The following PIGF variants were observed in gnomAD, a reference collection of about 807,000 sequenced individuals.
PIGF encodes the protein GPI ethanolamine phosphate transferase, stabilizing subunit.
A neutral mutation model predicts 26.0 loss-of-function variants in PIGF; 23 were observed. The ratio of observed to expected loss-of-function variants is 0.88; its 90% confidence interval spans 0.64 to 1.25. The LOEUF is 1.25. Ranked by LOEUF, PIGF falls within the 50% of genes most tolerant of loss-of-function variation. The pLI is 0.00. For missense variants in PIGF, 278 were observed against 249.9 expected (o/e 1.11, Z -0.76); for synonymous variants, 93 against 92.6 (o/e 1.00, Z -0.03).
chr2:46,586,331 A>C (rs150289421), intron 5 of PIGF, among the ~76,000 whole-genome samples: 5 of 152,344 alleles, frequency 3.3e-5, no homozygotes, highest in African/African-American at 1.2e-4. Context: ...CATTCATTCG[A>C]AACTATTTGT....
intron 3 of PIGF, 109 bp downstream of exon 3, chr2:46,613,585 T>C (rs1283978109): frequency 1.4e-6 from 1 of 703,912 alleles, no homozygotes; most frequent in East Asian, 2.9e-5. Flanking sequence ...CCTTACTTGA[T>C]CTATTAATGA....
At chr2:46,585,202 T>C (rs933368507) in intron 5 of PIGF, among the ~76,000 whole-genome samples, 3 of 152,180 alleles carry the variant, frequency 2.0e-5, no homozygotes, top group African/African-American at 7.2e-5. Flanking sequence ...ATAGGAAACT[T>C]AGAACAAAGA....
rs571281202 is a variant in PIGF at position 46,581,774 on chromosome 2, C to T, written c.547-183G>A. 2.9e-5 allele frequency: 23 copies of T among 790,648 alleles called. No homozygotes were observed. In the African/African-American group the frequency reaches 3.7e-4, roughly 13 times the overall value. The allele number at this position is 790,648 out of a possible 1,614,324, so 49.0% of individuals were successfully genotyped here. A position where few individuals can be genotyped will look rare whatever the true frequency, so the allele number is the denominator to read the frequency against. ...AAATGTACACATTTTAGTTAATGTG[C>T]ATTAAACTGTAACAAGGCTTCTGGC... On this transcript the variant is annotated intron_variant, in intron 5 of 5. Transcript: ENST00000281382.
intron 4 of PIGF, among the ~76,000 whole-genome samples, chr2:46,603,780 C>T (rs1231879740): frequency 6.6e-6 from 1 of 151,962 alleles, no homozygotes; most frequent in Non-Finnish European, 1.5e-5. Context: ...GGGAAACTTT[C>T]CAGGACACTG....
intron 4 of PIGF, among the ~76,000 whole-genome samples, chr2:46,611,210 C>T (rs759670757): frequency 5.3e-5 from 8 of 152,066 alleles, no homozygotes; most frequent in South Asian, 4.1e-4. Context: ...CTAATAAGGC[C>T]GGGTGTGGTG....
intron 4 of PIGF, among the ~76,000 whole-genome samples, chr2:46,610,176 C>G (rs1670366436): frequency 6.6e-6 from 1 of 152,190 alleles, no homozygotes; most frequent in Non-Finnish European, 1.5e-5. Flanking sequence ...CCCCATCTTT[C>G]CCATAAGCTC....
chr2:46,610,755 C>T (rs969312480), intron 4 of PIGF, among the ~76,000 whole-genome samples: 5 of 152,046 alleles, frequency 3.3e-5, no homozygotes, highest in Admixed American at 1.3e-4. Context: ...GTCTTGAACT[C>T]CTGACCTCAG....
intron 4 of PIGF, among the ~76,000 whole-genome samples, chr2:46,608,974 C>T (rs1269097704): frequency 6.6e-6 from 1 of 152,344 alleles, no homozygotes; most frequent in South Asian, 2.1e-4. Context: ...TCTGGCTGCA[C>T]TGGCCCCTAA....
intron 4 of PIGF, among the ~76,000 whole-genome samples, chr2:46,604,549 G>C (rs1253866562): frequency 6.6e-6 from 1 of 151,914 alleles, no homozygotes; most frequent in Non-Finnish European, 1.5e-5. Flanking sequence ...ATGAGTTCCT[G>C]CCATTTGCAA....
intron 4 of PIGF, among the ~76,000 whole-genome samples, chr2:46,607,769 G>A (rs1333785385): frequency 5.3e-5 from 8 of 151,420 alleles, no homozygotes; most frequent in Non-Finnish European, 8.8e-5. Context: ...ATCTCGGCTC[G>A]CTGCAACCTC....
chr2:46,596,261 T>C (rs1343659018), intron 4 of PIGF, among the ~76,000 whole-genome samples: 2 of 147,640 alleles, frequency 1.4e-5, no homozygotes, highest in Non-Finnish European at 3.1e-5. Flanking sequence ...AACCTCTAAG[T>C]TCTAAGTTCC....
rs183395515 is a variant in PIGF, at chr2:46,605,121, G to T, written c.437+7107C>A. Among the ~76,000 whole-genome samples, 878 of 152,038 alleles carry T rather than the reference G, an allele frequency of 5.8e-3. 5 individuals are homozygous for T. Among genetic ancestry groups the T allele is most frequent in the Non-Finnish European group, 0.01 (702 of 67,898 alleles). On this transcript the variant is annotated intron_variant, in intron 4 of 5. Coordinates refer to ENST00000281382, the MANE Select transcript of PIGF (RefSeq NM_002643.4). ...TTTATATTATCACTGCAAAACCATA[G>T]ATCTTTGAGTTTTTAAATATTTTTG...
chr2:46,603,712 T>C (rs1003845569), intron 4 of PIGF, among the ~76,000 whole-genome samples: 2 of 152,004 alleles, frequency 1.3e-5, no homozygotes, highest in Non-Finnish European at 2.9e-5. Context: ...CAAACCAAGA[T>C]GGATTAAAGA....
intron 4 of PIGF, among the ~76,000 whole-genome samples, chr2:46,609,222 T>C (rs1212614924): frequency 6.6e-6 from 1 of 152,272 alleles, no homozygotes; most frequent in Non-Finnish European, 1.5e-5. Flanking sequence ...GCCTCTTTCC[T>C]TAAGCCTCAT....
intron 5 of PIGF, chr2:46,582,752 C>T (rs1669441797): frequency 6.6e-6 from 1 of 152,532 alleles, no homozygotes; most frequent in South Asian, 2.1e-4. Context: ...CTTAAATGCT[C>T]ATATCAGTCA....
At chr2:46,600,776 TTA>T (rs770012614) in intron 4 of PIGF, among the ~76,000 whole-genome samples, 1 of 151,252 alleles carries the variant, frequency 6.6e-6, no homozygotes, top group Non-Finnish European at 1.5e-5. Context: ...TTTATGTTAC[TTA>T]TAGAGATACA....
At chr2:46,608,034 G>A (rs891252143) in intron 4 of PIGF, among the ~76,000 whole-genome samples, 5 of 152,114 alleles carry the variant, frequency 3.3e-5, no homozygotes, top group African/African-American at 1.2e-4. Context: ...CCATGAAGTT[G>A]GTTGCATCAA....
chr2:46,607,635 G>T (rs2104125042), intron 4 of PIGF, among the ~76,000 whole-genome samples: 1 of 152,098 alleles, frequency 6.6e-6, no homozygotes, highest in South Asian at 2.1e-4. Context: ...GGAAGATGTG[G>T]CCTTGATGTT....
Position 46,614,965 on chromosome 2 carries a change from G to C in PIGF, c.200C>G (p.Ser67Cys). ...VLYLVVKPNT[S>C]SKRSSLSHKV... ...GTGTGATAATGAACTTCTTTTAGAG[G>C]ATGTATTTGGTTTCACTACTAAATA... The change falls in exon 2 of 6, where the codon TCC becomes TGC. Residue 67 changes from serine (S) to cysteine (C), a missense_variant. Coordinates refer to ENST00000281382, the MANE Select transcript of PIGF (RefSeq NM_002643.4). 2.5e-6 allele frequency: 4 copies of C among 1,569,692 alleles called. No homozygotes were observed. Among genetic ancestry groups the C allele is most frequent in the Non-Finnish European group, 3.5e-6 (4 of 1,139,698 alleles).
Sources: gnomAD v4.1 joint callset for allele counts (sites outside exome capture counted in the v4.1 genomes callset) on GRCh38, gnomAD v4.1.1 for gene constraint, MANE v1.5 for transcripts, NCBI Gene and HGNC (gene_info 2026-07-23, HGNC 2026-07-21) for gene names.